TMPO: variants seen among roughly 807,000 people sequenced by gnomAD.
TMPO encodes thymopoietin, also known as LEM domain containing 4.
Under a neutral mutation model 45.4 loss-of-function variants are expected in TMPO, and 22 were observed. The observed-to-expected ratio is 0.48, with a 90% CI of 0.35 to 0.69. The LOEUF (loss-of-function observed/expected upper bound fraction) is 0.69. Among genes scored for constraint, TMPO ranks in the 30% least tolerant of loss-of-function variants. The pLI, the probability that TMPO is intolerant of heterozygous loss-of-function variation, is 0.01. For synonymous variants in TMPO, 241 were observed against 204.1 expected, an observed-to-expected ratio of 1.18 and a Z score of -1.54; for missense variants, 512 against 548.8, an observed-to-expected ratio of 0.93 and a Z score of 0.67.
At chr12:98,529,207 C>T (rs1222787539) in intron 2 of TMPO, among the ~76,000 whole-genome samples, 1 of 151,998 alleles carries the variant, frequency 6.6e-6, no homozygotes. Flanking sequence ...GCACCTGCCA[C>T]CATGCCCGGC....
chr12:98,523,374 T>G (rs893957517), intron 1 of TMPO, among the ~76,000 whole-genome samples: 3 of 152,056 alleles, frequency 2.0e-5, no homozygotes, highest in African/African-American at 7.2e-5. Flanking sequence ...GCCAACATGG[T>G]GAAATCCTGT....
At chr12:98,535,729 A>T (rs527529986) in intron 3 of TMPO, 1 of 886,414 alleles carries the variant, frequency 1.1e-6, no homozygotes, top group African/African-American at 1.8e-5. Flanking sequence ...TTTCCATTTC[A>T]TCATTGAAAC....
At chr12:98,535,691 A>G in intron 3 of TMPO, 1 of 984,564 alleles carries the variant, frequency 1.0e-6, no homozygotes, top group Non-Finnish European at 1.2e-6. Context: ...AGTTGCAACA[A>G]GTTAAATATT....
intron 2 of TMPO, 64 bp from the exon 3 acceptor site, chr12:98,531,616 A>G: frequency 1.3e-6 from 2 of 1,495,976 alleles, no homozygotes; most frequent in South Asian, 2.3e-5. Context: ...TGCTGAAGAT[A>G]GTGTCTGAGC....
chr12:98,545,121 A>ATTTTTT, intron 7 of TMPO, 60 bp downstream of exon 7: 2 of 830,662 alleles, frequency 2.4e-6, no homozygotes, highest in Non-Finnish European at 3.6e-6. Flanking sequence ...AAATATAAAT[A>ATTTTTT]TTTGTTTGTT....
chr12:98,516,237 C>A, intron 1 of TMPO, 91 bp downstream of exon 1: 2 of 1,304,622 alleles, frequency 1.5e-6, no homozygotes, highest in Non-Finnish European at 1.9e-6. Flanking sequence ...TCCCGGGCGC[C>A]CCCTCGGGCC....
At chr12:98,530,897 C>G (rs1411401034) in intron 2 of TMPO, among the ~76,000 whole-genome samples, 1 of 152,164 alleles carries the variant, frequency 6.6e-6, no homozygotes, top group Non-Finnish European at 1.5e-5. Flanking sequence ...ATAGAAAGGC[C>G]TGTATTAACC....
Position 98,534,206 on chromosome 12 carries a change from G to A in TMPO, c.565+2368G>A, listed in dbSNP as rs138295270. The A allele has an allele frequency of 9.6e-5, 155 of 1,613,940 alleles. No homozygotes were observed. In the African/African-American group the frequency reaches 1.6e-3, roughly 17 times the overall value. ...ACCATGGGAAATGCCACTGTAGGTC[G>A]TCGATACCTCTGGCTGAAGGATTGC... On this transcript the variant is annotated intron_variant, in intron 3 of 8. Coordinates refer to ENST00000556029, the MANE Select transcript of TMPO (RefSeq NM_001032283.3).
At chr12:98,540,235 T>C (rs1374648075) in intron 4 of TMPO, among the ~76,000 whole-genome samples, 1 of 152,212 alleles carries the variant, frequency 6.6e-6, no homozygotes, top group South Asian at 2.1e-4. Context: ...GTGGGTTAGA[T>C]CTGTAGTGAG....
rs1878326861 is a variant in TMPO at position 98,547,952 on chromosome 12, T to C, written c.*94T>C. Reference sequence around the variant, plus strand: ...ACTTGTTGACTCCAAGAACTAAAAATAATGTGATTTCGCCTCAATAAATGT... The same window carrying C: ...ACTTGTTGACTCCAAGAACTAAAAACAATGTGATTTCGCCTCAATAAATGT... On this transcript the variant is annotated 3_prime_UTR_variant, in exon 9 of 9. Coordinates refer to ENST00000556029, the MANE Select transcript of TMPO (RefSeq NM_001032283.3). The C allele has an allele frequency of 8.6e-6, 12 of 1,391,772 alleles. No homozygotes were observed. The South Asian group carries it at 1.5e-4, about 17-fold the overall frequency. The allele number at this position is 1,391,772 out of a possible 1,614,324, so 86.2% of individuals were successfully genotyped here.
At chr12:98,519,444 C>T (rs1452173573) in intron 1 of TMPO, among the ~76,000 whole-genome samples, 2 of 152,152 alleles carry the variant, frequency 1.3e-5, no homozygotes, top group African/African-American at 4.8e-5. Flanking sequence ...GGTGATCTGT[C>T]CCCCTGGGCT....
chr12:98,537,715 C>T, intron 4 of TMPO, 143 bp downstream of exon 4: 1 of 777,588 alleles, frequency 1.3e-6, no homozygotes, highest in Middle Eastern at 2.2e-4. Flanking sequence ...TACTAAAAAT[C>T]TAAACTTTGT....
chr12:98,539,098 G>T (rs967761955), intron 4 of TMPO, among the ~76,000 whole-genome samples: 1 of 152,086 alleles, frequency 6.6e-6, no homozygotes, highest in Non-Finnish European at 1.5e-5. Flanking sequence ...TACTCCGGAG[G>T]CTGAGGCAGG....
intron 4 of TMPO, among the ~76,000 whole-genome samples, chr12:98,540,725 G>A (rs1447562500): frequency 6.6e-6 from 1 of 152,176 alleles, no homozygotes; most frequent in Non-Finnish European, 1.5e-5. Context: ...ATGACCATAT[G>A]TGGCTAGTGG....
At chr12:98,531,915 A>C in intron 3 of TMPO, 77 bp downstream of exon 3, 2 of 1,237,422 alleles carry the variant, frequency 1.6e-6, no homozygotes, top group East Asian at 4.9e-5. Context: ...AAGAAAGTAA[A>C]ATTTAAAACA....
chr12:98,521,485 G>A (rs577560131), intron 1 of TMPO, among the ~76,000 whole-genome samples: 3 of 152,104 alleles, frequency 2.0e-5, no homozygotes, highest in South Asian at 2.1e-4. Flanking sequence ...GATTCACTTG[G>A]TATAATGTGA....
intron 4 of TMPO, 41 bp downstream of exon 4, chr12:98,537,613 A>C: frequency 7.0e-7 from 1 of 1,438,622 alleles, no homozygotes; most frequent in African/African-American, 1.4e-5. Context: ...GGTATAAATA[A>C]CCTCCTGACA....
Position 98,546,363 on chromosome 12 carries a change from G to A in TMPO, c.995G>A (p.Gly332Glu). 6.2e-7 allele frequency: 1 copy of A among 1,608,702 alleles called. No homozygotes were observed. The highest frequency in any genetic ancestry group is 8.5e-7 in the Non-Finnish European group (1 of 1,175,388). The change falls in exon 8 of 9, where the codon GGA becomes GAA. Residue 332 changes from glycine (G) to glutamate (E), a missense_variant. Gly to Glu is a moderately conservative substitution (Grantham distance 98). Coordinates refer to ENST00000556029, the MANE Select transcript of TMPO (RefSeq NM_001032283.3). ...PKKPLTRAEV[G>E]EKTEERRVER... ...TGTTTGTCTGTTTCTTATTAGGTGG[G>A]AGAAAAAACAGAGGAAAGAAGAGTA...
At chr12:98,547,528 C>T (rs1878298556) in intron 8 of TMPO, 45 bp from the exon 9 acceptor site, 1 of 1,610,860 alleles carries the variant, frequency 6.2e-7, no homozygotes, top group Non-Finnish European at 8.5e-7. Flanking sequence ...TAAATCATGC[C>T]TTTATCTAAA....
Sources: allele counts gnomAD v4.1 joint callset (sites outside exome capture counted in the v4.1 genomes callset), GRCh38; gene constraint gnomAD v4.1.1; transcripts MANE v1.5; gene names NCBI Gene and HGNC (gene_info 2026-07-23, HGNC 2026-07-21).